Variants in NFIA observed in about 807,000 individuals in gnomAD.
NFIA encodes the protein nuclear factor 1 A-type.
A neutral mutation model predicts 62.8 loss-of-function variants in NFIA; 8 were observed. The observed-to-expected ratio is 0.13, with a 90% CI of 0.07 to 0.23. The LOEUF is 0.23. NFIA is among the 10% of genes least tolerant of loss of function. The pLI is 1.00. For synonymous variants in NFIA, 235 were observed against 238.1 expected (o/e 0.99, Z 0.12); for missense variants, 410 against 642.1 (o/e 0.64, Z 3.91).
At chr1:61,223,949 CTATT>C (rs1654170972) in intron 2 of NFIA, among the ~76,000 whole-genome samples, 2 of 152,050 alleles carry the variant, frequency 1.3e-5, no homozygotes, top group Admixed American at 6.5e-5. Flanking sequence ...ACTGACCTCT[CTATT>C]TACATATTAC....
chr1:61,382,133 C>A (rs1664450583), intron 6 of NFIA, among the ~76,000 whole-genome samples: 1 of 152,106 alleles, frequency 6.6e-6, no homozygotes, highest in African/African-American at 2.4e-5. Flanking sequence ...CCAAATTTGT[C>A]CCCTGATGCG....
intron 2 of NFIA, among the ~76,000 whole-genome samples, chr1:61,159,088 A>G (rs1037112655): frequency 2.0e-5 from 3 of 152,046 alleles, no homozygotes; most frequent in Admixed American, 6.6e-5. Context: ...CCGAGGATTC[A>G]TTTCATAGGG....
chr1:61,337,807 C>T (rs756220507), intron 4 of NFIA, among the ~76,000 whole-genome samples: 6 of 152,204 alleles, frequency 3.9e-5, no homozygotes, highest in Non-Finnish European at 8.8e-5. Context: ...TCAGCACCCA[C>T]TCTTTTGTTT....
At chr1:61,284,461 G>T (rs1281875112) in intron 3 of NFIA, among the ~76,000 whole-genome samples, 1 of 152,152 alleles carries the variant, frequency 6.6e-6, no homozygotes, top group Non-Finnish European at 1.5e-5. Context: ...TGTGAAAGAT[G>T]AGGTGCCATC....
chr1:61,447,976 G>A (rs543544594), intron 10 of NFIA, among the ~76,000 whole-genome samples: 4 of 152,140 alleles, frequency 2.6e-5, no homozygotes, highest in Non-Finnish European at 4.4e-5. Context: ...GAATAGCAGC[G>A]TTAACACACC....
intron 2 of NFIA, among the ~76,000 whole-genome samples, chr1:61,259,790 A>G (rs1012020472): frequency 3.3e-5 from 5 of 152,250 alleles, no homozygotes; most frequent in African/African-American, 9.6e-5. Flanking sequence ...ATCTTTTCAA[A>G]TATTTGGTAG....
intron 7 of NFIA, among the ~76,000 whole-genome samples, chr1:61,392,916 G>A (rs562544509): frequency 1.3e-5 from 2 of 152,248 alleles, no homozygotes; most frequent in East Asian, 3.9e-4. Flanking sequence ...GTCCCTCTCA[G>A]TCACACGCAG....
chr1:61,302,514 C>T (rs1269556333), intron 3 of NFIA, among the ~76,000 whole-genome samples: 1 of 152,014 alleles, frequency 6.6e-6, no homozygotes, highest in Non-Finnish European at 1.5e-5. Context: ...ACTAATGATA[C>T]AAGAGAAAAC....
At chr1:61,124,105 A>T (rs934828350) in intron 2 of NFIA, among the ~76,000 whole-genome samples, 1 of 152,208 alleles carries the variant, frequency 6.6e-6, no homozygotes. Flanking sequence ...GTTTTGTAAT[A>T]TAGGGAGTTG....
At chr1:61,179,884 T>A (rs1650637181) in intron 2 of NFIA, among the ~76,000 whole-genome samples, 5 of 152,278 alleles carry the variant, frequency 3.3e-5, no homozygotes, top group Middle Eastern at 3.4e-3. Context: ...AGACTAAAGG[T>A]CCATCAGCCT....
At chr1:61,354,533 T>C (rs1258213206) in intron 5 of NFIA, among the ~76,000 whole-genome samples, 2 of 152,198 alleles carry the variant, frequency 1.3e-5, no homozygotes, top group Non-Finnish European at 2.9e-5. Context: ...GTGTTTTCAT[T>C]TAAACAGTGG....
intron 10 of NFIA, among the ~76,000 whole-genome samples, chr1:61,453,722 G>A (rs1455811922): frequency 6.6e-6 from 1 of 152,186 alleles, no homozygotes; most frequent in African/African-American, 2.4e-5. Flanking sequence ...AAGGGAGGAA[G>A]CGGCTCTAAC....
chr1:61,118,836 TG>T (rs1188239093), intron 2 of NFIA, among the ~76,000 whole-genome samples: 1 of 152,052 alleles, frequency 6.6e-6, no homozygotes, highest in African/African-American at 2.4e-5. Context: ...AGGCAGCATT[TG>T]AATCCAGGTC....
rs887967007 is a variant in NFIA at position 61,084,196 on chromosome 1, G to C, written c.27+1378G>C. 5.9e-5 allele frequency among the ~76,000 whole-genome samples: 9 copies of C among 152,220 alleles called. No individual in the cohort carries two copies. The East Asian group carries it at 1.7e-3, about 29-fold the overall frequency. The stretch of plus-strand genomic sequence containing the variant: ...TTAGTAGGAGATAACGGTTTAACCG[G>C]AATAGTTTCTGGAAGGCTAAAAAGT... On this transcript the variant is annotated intron_variant, in intron 1 of 10. Coordinates refer to ENST00000403491, the MANE Select transcript of NFIA (RefSeq NM_001134673.4).
chr1:61,341,854 G>C (rs1017984778), intron 4 of NFIA, among the ~76,000 whole-genome samples: 4 of 152,202 alleles, frequency 2.6e-5, no homozygotes, highest in African/African-American at 9.6e-5. Flanking sequence ...TTCATATCCA[G>C]TAGTAACACT....
intron 3 of NFIA, among the ~76,000 whole-genome samples, chr1:61,322,139 T>C (rs1660710836): frequency 6.6e-6 from 1 of 152,244 alleles, no homozygotes; most frequent in South Asian, 2.1e-4. Flanking sequence ...TTCTCATGTC[T>C]AGTTTAAAAG....
intron 2 of NFIA, among the ~76,000 whole-genome samples, chr1:61,254,737 C>A (rs1008481222): frequency 6.6e-6 from 1 of 152,152 alleles, no homozygotes; most frequent in Non-Finnish European, 1.5e-5. Flanking sequence ...CAAATGCTAC[C>A]CACTGTCTCC....
intron 10 of NFIA, among the ~76,000 whole-genome samples, chr1:61,443,619 G>C (rs764062896): frequency 2.0e-4 from 31 of 152,188 alleles, no homozygotes; most frequent in African/African-American, 7.2e-4. Flanking sequence ...AGTATGAAAA[G>C]ATGCTATAAA....
chr1:61,404,570 A>G (rs1462253311), intron 8 of NFIA, among the ~76,000 whole-genome samples: 1 of 152,190 alleles, frequency 6.6e-6, no homozygotes, highest in East Asian at 1.9e-4. Context: ...TGATCATTCC[A>G]CCTCGTGCAT....
Sources: allele counts gnomAD v4.1 joint callset (sites outside exome capture counted in the v4.1 genomes callset), GRCh38; gene constraint gnomAD v4.1.1; transcripts MANE v1.5; gene names NCBI Gene and HGNC (gene_info 2026-07-23, HGNC 2026-07-21).